Variants in CD86 observed in about 807,000 individuals in gnomAD.
CD86 encodes the protein CD86 molecule.
CD86 carries 11 observed loss-of-function variants against 32.1 expected under a neutral mutation model. The ratio of observed to expected loss-of-function variants is 0.34; its 90% CI spans 0.22 to 0.57. CD86 has a LOEUF of 0.57. Among genes scored for constraint, CD86 ranks in the 20% least tolerant of loss-of-function variants. The pLI, the probability that CD86 is intolerant of heterozygous loss-of-function variation, is 0.86. For synonymous variants in CD86, 137 were observed against 135.3 expected (o/e 1.01, Z -0.09); for missense variants, 359 against 398.4 (o/e 0.90, Z 0.84).
chr3:122,093,396 A>C (rs2072856922), intron 2 of CD86, among the ~76,000 whole-genome samples: 1 of 152,184 alleles, frequency 6.6e-6, no homozygotes, highest in Non-Finnish European at 1.5e-5. Flanking sequence ...GTTCTGAGAA[A>C]CACATTATTA....
intron 1 of CD86, among the ~76,000 whole-genome samples, chr3:122,088,746 C>T (rs189259872): frequency 1.2e-3 from 177 of 152,264 alleles, no homozygotes; most frequent in African/African-American, 3.5e-3. Context: ...AAAGTGATGT[C>T]GCTGCTATGG....
At chr3:122,113,297 G>T (rs1262751542) in intron 5 of CD86, among the ~76,000 whole-genome samples, 4 of 152,204 alleles carry the variant, frequency 2.6e-5, no homozygotes, top group Non-Finnish European at 5.9e-5. Flanking sequence ...ATTGCAAATT[G>T]TGCTGCTATA....
chr3:122,099,620 T>G (rs925994498), intron 2 of CD86, among the ~76,000 whole-genome samples: 1 of 152,120 alleles, frequency 6.6e-6, no homozygotes, highest in Non-Finnish European at 1.5e-5. Context: ...CAGGGTAAAT[T>G]TTATAGAGAC....
Position 122,119,609 on chromosome 3 carries a change from T to C in CD86, c.*75T>C. The C allele has an allele frequency of 1.1e-6, 1 of 940,268 alleles. No homozygotes were observed. Among genetic ancestry groups the C allele is most frequent in the Non-Finnish European group, 1.7e-6 (1 of 590,894 alleles). The allele number at this position is 940,268 out of a possible 1,614,324, so 58.2% of individuals were successfully genotyped here. A position where few individuals can be genotyped will look rare whatever the true frequency, so the allele number is the denominator to read the frequency against. On this transcript the variant is annotated 3_prime_UTR_variant, in exon 7 of 7. Coordinates refer to ENST00000330540, the MANE Select transcript of CD86 (RefSeq NM_175862.5). ...GTAAGTTCCTGGGCAACCTTTTTGA[T>C]TTCTTCCAGAAGGCAAAAAGACATT...
intron 1 of CD86, among the ~76,000 whole-genome samples, chr3:122,068,549 A>G (rs2072445841): frequency 6.6e-6 from 1 of 152,214 alleles, no homozygotes; most frequent in South Asian, 2.1e-4. Flanking sequence ...TCTTTTGAAT[A>G]TTGGTTTAAT....
chr3:122,095,899 T>C (rs2072899841), intron 2 of CD86, among the ~76,000 whole-genome samples: 1 of 152,206 alleles, frequency 6.6e-6, no homozygotes, highest in South Asian at 2.1e-4. Context: ...ATAGGGTTGT[T>C]TGGGAGCAAG....
At chr3:122,074,925 C>A (rs548199119) in intron 1 of CD86, among the ~76,000 whole-genome samples, 1 of 152,158 alleles carries the variant, frequency 6.6e-6, no homozygotes, top group Non-Finnish European at 1.5e-5. Flanking sequence ...CTCCACTGGG[C>A]TCGGCCTCTG....
rs2073136692 is a variant in CD86 at position 122,109,262 on chromosome 3, T to C, written c.704-3T>C. 3 of 1,611,504 alleles carry C rather than the reference T, an allele frequency of 1.9e-6. No homozygotes were observed. Among genetic ancestry groups the C allele is most frequent in the East Asian group, 4.5e-5 (2 of 44,784 alleles). ...CTGATTGAAAATTTGTGGTCATTTGTAGAGCTTGAGGACCCTCAGCCTCCC... is the reference window on the plus strand; with the variant it reads ...CTGATTGAAAATTTGTGGTCATTTGCAGAGCTTGAGGACCCTCAGCCTCCC... On this transcript the variant is annotated splice_polypyrimidine_tract_variant and splice_region_variant and intron_variant, in intron 4 of 6. Coordinates refer to ENST00000330540, the MANE Select transcript of CD86 (RefSeq NM_175862.5).
chr3:122,071,950 A>G (rs1194524512), intron 1 of CD86, among the ~76,000 whole-genome samples: 1 of 129,338 alleles, frequency 7.7e-6, no homozygotes, highest in African/African-American at 3.0e-5. Context: ...TCATTGTTCA[A>G]CTCCTATCTA....
chr3:122,097,992 C>T (rs1225695652), intron 2 of CD86, among the ~76,000 whole-genome samples: 1 of 152,160 alleles, frequency 6.6e-6, no homozygotes, highest in African/African-American at 2.4e-5. Context: ...TTGATTGCAG[C>T]CCCCTTCAGA....
chr3:122,083,910 C>A (rs754503292), intron 1 of CD86, among the ~76,000 whole-genome samples: 5 of 152,240 alleles, frequency 3.3e-5, no homozygotes, highest in Non-Finnish European at 7.4e-5. Flanking sequence ...ATTAATGTCA[C>A]CTATTTCTTT....
At chr3:122,114,036 A>G (rs2073213666) in intron 5 of CD86, among the ~76,000 whole-genome samples, 2 of 152,164 alleles carry the variant, frequency 1.3e-5, no homozygotes, top group Admixed American at 6.5e-5. Flanking sequence ...AGATCACCTT[A>G]GATCAGGAGT....
At chr3:122,097,296 A>G (rs909880588) in intron 2 of CD86, among the ~76,000 whole-genome samples, 1 of 152,226 alleles carries the variant, frequency 6.6e-6, no homozygotes, top group African/African-American at 2.4e-5. Flanking sequence ...ACAGTGAGGA[A>G]AAGTGACAAA....
Position 122,118,066 on chromosome 3 carries a change from G to T in CD86, c.866G>T (p.Arg289Met). Residue 289 changes from arginine (R) to methionine (M), a missense_variant, in exon 6 of 7, where the codon AGG (arginine) becomes ATG (methionine). Physicochemically the swap from Arg to Met is moderately conservative, Grantham distance 91. Transcript: ENST00000330540. ...CTTTCAGGAACCAACACAATGGAGA[G>T]GGAAGAGAGTGAACAGACCAAGAAA... ...SYKCGTNTME[R>M]EESEQTKKRE... is the part of the protein sequence containing the mutation. The T allele has an allele frequency of 6.2e-7, 1 of 1,613,456 alleles. No homozygotes were observed. Among genetic ancestry groups the T allele is most frequent in the Non-Finnish European group, 8.5e-7 (1 of 1,179,532 alleles).
At chr3:122,114,583 A>T (rs2073222790) in intron 5 of CD86, among the ~76,000 whole-genome samples, 1 of 152,190 alleles carries the variant, frequency 6.6e-6, no homozygotes, top group Non-Finnish European at 1.5e-5. Flanking sequence ...AGAAAAGAAA[A>T]CTACAAACAT....
intron 1 of CD86, among the ~76,000 whole-genome samples, chr3:122,064,115 A>G (rs957999599): frequency 3.3e-5 from 5 of 152,142 alleles, no homozygotes; most frequent in Admixed American, 3.3e-4. Flanking sequence ...CTTTTGAGGC[A>G]GTGCATAAAC....
intron 1 of CD86, among the ~76,000 whole-genome samples, chr3:122,078,630 T>C (rs1224747253): frequency 6.6e-6 from 1 of 152,210 alleles, no homozygotes; most frequent in Non-Finnish European, 1.5e-5. Flanking sequence ...AAAGAAATAT[T>C]CTTGGGTCAA....
At position 122,092,827 on chromosome 3, in the gene CD86, C is replaced by T. The variant is rs947567956; in HGVS notation, c.64+1177C>T. ...CACACACCAGGCCCTTGGCCACTGT[C>T]CCCATGTCTGCTGTGGATGATGAGG... On this transcript the variant is annotated intron_variant, in intron 2 of 6. Transcript: ENST00000330540. Among the ~76,000 whole-genome samples, 12 of 152,334 alleles carry T rather than the reference C, an allele frequency of 7.9e-5. No individual in the cohort carries two copies. The South Asian group carries it at 8.3e-4, about 11-fold the overall frequency.
At chr3:122,094,201 A>T (rs1347673015) in intron 2 of CD86, among the ~76,000 whole-genome samples, 4 of 152,160 alleles carry the variant, frequency 2.6e-5, no homozygotes, top group Admixed American at 6.5e-5. Context: ...AAACTGGAAC[A>T]CCATTTCCCA....
Sources: allele counts gnomAD v4.1 joint callset (sites outside exome capture counted in the v4.1 genomes callset), GRCh38; gene constraint gnomAD v4.1.1; transcripts MANE v1.5; gene names NCBI Gene and HGNC (gene_info 2026-07-23, HGNC 2026-07-21).